The following SYNE2 variants were observed in gnomAD, a reference collection of about 807,000 sequenced individuals.
The protein encoded by SYNE2 is nesprin-2.
SYNE2 carries 431 observed loss-of-function variants against 856.3 expected under a neutral mutation model. The ratio of observed to expected loss-of-function variants is 0.50; its 90% confidence interval spans 0.47 to 0.55. The LOEUF (loss-of-function observed/expected upper bound fraction) is 0.55. SYNE2 is among the 20% of genes least tolerant of loss of function. The probability of loss-of-function intolerance (pLI) is 0.00; values close to 1 mark genes in which losing one functional copy is unlikely to be tolerated. For synonymous variants in SYNE2, 2,923 were observed against 2,872.3 expected (o/e 1.02, Z -0.56); for missense variants, 8,129 against 8,023.2 (o/e 1.01, Z -0.50).
intron 2 of SYNE2, among the ~76,000 whole-genome samples, chr14:63,931,707 A>G (rs1349890864): frequency 1.3e-5 from 2 of 152,156 alleles, no homozygotes; most frequent in Non-Finnish European, 2.9e-5. Flanking sequence ...ATATTTATTG[A>G]GGATGTTTTT....
At position 64,110,265 on chromosome 14, in the gene SYNE2, G is replaced by GT. The variant is rs202147985; in HGVS notation, c.12609+2666dup. 5.6e-3 allele frequency among the ~76,000 whole-genome samples: 850 copies of GT among 152,058 alleles called. 10 individuals are homozygous for GT. Among genetic ancestry groups the GT allele is most frequent in the African/African-American group, 0.02 (817 of 41,468 alleles). On this transcript the variant is annotated intron_variant, in intron 65 of 115. Coordinates refer to ENST00000555002, the MANE Select transcript of SYNE2 (RefSeq NM_182914.3). ...AAAATCAACTTGCATTTTAACTGCA[G>GT]TTTTTTTTACTGATTACTGATTACT... is the stretch of plus-strand genomic sequence containing the variant.
intron 101 of SYNE2, 79 bp downstream of exon 101, chr14:64,209,024 C>CAG: frequency 6.6e-7 from 1 of 1,512,278 alleles, no homozygotes. Context: ...TTCACAGTAA[C>CAG]TATTCTGTTC....
chr14:64,003,941 G>A (rs11850427), intron 30 of SYNE2, among the ~76,000 whole-genome samples: 79,035 of 151,960 alleles, frequency 0.52, 21,600 homozygotes, highest in African/African-American at 0.7. Flanking sequence ...AGGGCCTTCA[G>A]ATTCCAAAAG....
chr14:64,219,363 C>T lies in SYNE2; in HGVS notation c.19813C>T (p.Pro6605Ser). ...GCTGGAAATGTTAAAGATGGCAAAG[C>T]CTCCCTCTGATATCCAGGAAATAGA... is the stretch of plus-strand genomic sequence containing the variant. Reference protein sequence around the residue: ...AELEMLKMAKPPSDIQEIELR... With the variant: ...AELEMLKMAKSPSDIQEIELR... Residue 6605 changes from proline to serine, a missense_variant, in exon 110 of 116, where the codon CCT becomes TCT. Coordinates refer to ENST00000555002, the MANE Select transcript of SYNE2 (RefSeq NM_182914.3). 1 of 1,614,040 alleles carries T rather than the reference C, an allele frequency of 6.2e-7. No homozygotes were observed. The highest frequency in any genetic ancestry group is 8.5e-7 in the Non-Finnish European group (1 of 1,180,032).
At chr14:63,785,086 C>T (rs540004824) in intron 1 of SYNE2, among the ~76,000 whole-genome samples, 11 of 152,208 alleles carry the variant, frequency 7.2e-5, no homozygotes, top group African/African-American at 2.4e-4. Flanking sequence ...TTCACTATTC[C>T]TCAAATGTTT....
intron 1 of SYNE2, among the ~76,000 whole-genome samples, chr14:63,762,747 T>C (rs1307621454): frequency 6.6e-6 from 1 of 151,998 alleles, no homozygotes; most frequent in Non-Finnish European, 1.5e-5. Context: ...GAGAATGTTC[T>C]TGTTCTTAGG....
At chr14:63,771,410 T>C (rs567471411) in intron 1 of SYNE2, among the ~76,000 whole-genome samples, 28 of 152,252 alleles carry the variant, frequency 1.8e-4, no homozygotes, top group African/African-American at 6.3e-4. Flanking sequence ...TGCTAATGAC[T>C]TTGGATAAAA....
intron 1 of SYNE2, among the ~76,000 whole-genome samples, chr14:63,810,313 G>A (rs1024164189): frequency 6.6e-6 from 1 of 152,064 alleles, no homozygotes; most frequent in African/African-American, 2.4e-5. Flanking sequence ...ATGGAAGCAT[G>A]TTGAATAAGT....
chr14:63,980,845 T>C, intron 15 of SYNE2, 113 bp downstream of exon 15: 1 of 1,096,034 alleles, frequency 9.1e-7, no homozygotes, highest in Non-Finnish European at 1.3e-6. Flanking sequence ...CATGTTTTCC[T>C]GGGAAAATTC....
At chr14:63,823,392 G>C (rs546181051) in intron 1 of SYNE2, among the ~76,000 whole-genome samples, 1 of 152,090 alleles carries the variant, frequency 6.6e-6, no homozygotes, top group East Asian at 1.9e-4. Context: ...GGCCAGGCTG[G>C]TCTTGAACTC....
At chr14:64,109,333 T>C (rs1321238189) in intron 65 of SYNE2, among the ~76,000 whole-genome samples, 3 of 151,676 alleles carry the variant, frequency 2.0e-5, no homozygotes, top group Admixed American at 6.6e-5. Flanking sequence ...ACATTTAATA[T>C]GGGCCAGGTA....
Position 64,190,252 on chromosome 14 carries a change from A to G in SYNE2, c.18038+15A>G, listed in dbSNP as rs369720612. On this transcript the variant is annotated intron_variant, in intron 99 of 115. Transcript: ENST00000555002. ...ATCGGATCAAGGTAAGAAATGGGCTAAAAATGATTACTCTCCAGGAACAGT... is the reference window on the plus strand; with the variant it reads ...ATCGGATCAAGGTAAGAAATGGGCTGAAAATGATTACTCTCCAGGAACAGT... 9 of 1,613,924 alleles carry G rather than the reference A, an allele frequency of 5.6e-6. No homozygotes were observed. In the African/African-American group the frequency reaches 1.2e-4, roughly 22 times the overall value.
At chr14:64,214,674 A>G in intron 106 of SYNE2, 2 of 615,046 alleles carry the variant, frequency 3.3e-6, no homozygotes, top group Non-Finnish European at 5.7e-6. Flanking sequence ...GAAAGGGGGA[A>G]AAAAAATGAA....
rs146157227 is a variant in SYNE2, at chr14:64,129,809, G to A, written c.14047G>A (p.Glu4683Lys). The A allele has an allele frequency of 1.1e-5, 18 of 1,614,008 alleles. No homozygotes were observed. The African/African-American group carries it at 2.0e-4, about 18-fold the overall frequency. ...AGCAGATGCATATACAGTGGAGCTG[G>A]AGAACGCCGAGAGCCGAGTGGCCAA... is the stretch of plus-strand genomic sequence containing the variant. ...QKADAYTVEL[E>K]NAESRVAKLR... Residue 4683 changes from glutamate (E) to lysine (K), a missense_variant, in exon 75 of 116, where the codon GAG becomes AAG. Glu to Lys is a moderately conservative substitution (Grantham distance 56, BLOSUM62 1). Coordinates refer to ENST00000555002, the MANE Select transcript of SYNE2 (RefSeq NM_182914.3).
chr14:63,775,375 A>G (rs868482145), intron 1 of SYNE2, among the ~76,000 whole-genome samples: 3 of 151,944 alleles, frequency 2.0e-5, no homozygotes, highest in South Asian at 4.2e-4. Context: ...CCCAGTTTCA[A>G]GTGATTCTCC....
Position 63,795,033 on chromosome 14 carries a change from G to A in SYNE2, c.-305+33047G>A, listed in dbSNP as rs544163943. Among the ~76,000 whole-genome samples, 86 of 152,284 alleles carry A rather than the reference G, an allele frequency of 5.6e-4. 1 individual carries two copies. The highest frequency in any genetic ancestry group is 3.4e-3 in the Middle Eastern group (1 of 294). On this transcript the variant is annotated intron_variant, in intron 1 of 23. Transcript: ENST00000674003. ...TGATCCTCCTACCTCAGCCTCCTGA[G>A]TAGCTAGGATCACAGCCATGTGCCA...
chr14:64,136,578 T>G (rs1213569513), intron 78 of SYNE2, among the ~76,000 whole-genome samples: 1 of 152,210 alleles, frequency 6.6e-6, no homozygotes, highest in Non-Finnish European at 1.5e-5. Context: ...TCAGGATAAA[T>G]GGCATTAGCT....
chr14:63,840,399 T>TTCCCTTCC (rs1890013549), intron 1 of SYNE2, among the ~76,000 whole-genome samples: 4 of 115,482 alleles, frequency 3.5e-5, no homozygotes, highest in African/African-American at 1.4e-4. Context: ...CTTTCTTTCC[T>TTCCCTTCC]TTCCTTCCTT....
intron 21 of SYNE2, among the ~76,000 whole-genome samples, chr14:63,991,577 A>G (rs148416134): frequency 3.9e-5 from 6 of 152,304 alleles, no homozygotes; most frequent in East Asian, 1.9e-4. Context: ...ATACTTTTCT[A>G]TAGTTAAAGA....
Sources: gnomAD v4.1 joint callset for allele counts (sites outside exome capture counted in the v4.1 genomes callset) on GRCh38, gnomAD v4.1.1 for gene constraint, MANE v1.5 for transcripts, NCBI Gene and HGNC (gene_info 2026-07-23, HGNC 2026-07-21) for gene names.